Variants in WDFY4 observed in about 807,000 individuals in gnomAD.
WDFY4 encodes WDFY family member 4, also known as WD repeat- and FYVE domain-containing protein 4.
WDFY4 carries 169 observed loss-of-function variants against 351.9 expected under a neutral mutation model. That is an observed-to-expected ratio of 0.48 (90% CI 0.42 to 0.55). The LOEUF is 0.55. Among genes scored for constraint, WDFY4 ranks in the 20% least tolerant of loss-of-function variants. WDFY4 has a pLI of 0.00. For missense variants in WDFY4, 3,803 were observed against 3,935.6 expected, an observed-to-expected ratio of 0.97 and a Z score of 0.90; for synonymous variants, 1,622 against 1,574.6, an observed-to-expected ratio of 1.03 and a Z score of -0.71.
At chr10:48,924,385 C>G (rs1206824490) in intron 47 of WDFY4, among the ~76,000 whole-genome samples, 1 of 152,154 alleles carries the variant, frequency 6.6e-6, no homozygotes, top group Non-Finnish European at 1.5e-5. Flanking sequence ...GCTAGATGGC[C>G]TATTATCAGT....
In WDFY4 at chr10:48,729,609, G is replaced by T. The variant is rs569257966; in HGVS notation, c.1129+20G>T. 4 of 1,551,024 alleles carry T rather than the reference G, an allele frequency of 2.6e-6. No homozygotes were observed. The East Asian group carries it at 9.8e-5, about 38-fold the overall frequency. On this transcript the variant is annotated intron_variant, in intron 8 of 61. Coordinates refer to ENST00000325239, the MANE Select transcript of WDFY4 (RefSeq NM_001394531.1). Reference sequence around the variant, plus strand: ...CATCTGGTGAGTCTTTCCTGTGTCTGGGTGACCGGAAGAGTCAGTGCTGAG... The same window carrying T: ...CATCTGGTGAGTCTTTCCTGTGTCTTGGTGACCGGAAGAGTCAGTGCTGAG...
chr10:48,876,501 A>C (rs933455072), intron 42 of WDFY4, among the ~76,000 whole-genome samples: 34 of 152,366 alleles, frequency 2.2e-4, no homozygotes, highest in African/African-American at 7.7e-4. Context: ...AGTATCTGGC[A>C]CAGAGAAAGG....
intron 31 of WDFY4, 102 bp from the exon 32 acceptor site, chr10:48,817,143 A>C: frequency 7.5e-7 from 1 of 1,333,408 alleles, no homozygotes; most frequent in South Asian, 1.4e-5. Context: ...ATCTTGTTGA[A>C]AGTCTCAGGA....
At position 48,774,664 on chromosome 10, in the gene WDFY4, T is replaced by C. The variant is rs1483175594; in HGVS notation, c.2760T>C (p.Asp920=). ...EKLASQAIEP[D]VLRQFLGLGI... ...TCGCTTCCCAGGCCATTGAACCGGA[T>C]GTGCTAAGGTACCACATGCTGCATA... The change falls in exon 14 of 62, where the codon GAT becomes GAC. Residue 920 remains aspartate (D), a synonymous_variant. Coordinates refer to ENST00000325239, the MANE Select transcript of WDFY4 (RefSeq NM_001394531.1). The C allele has an allele frequency of 6.4e-7, 1 of 1,551,586 alleles. No individual in the cohort carries two copies. Among genetic ancestry groups the C allele is most frequent in the Non-Finnish European group, 8.7e-7 (1 of 1,146,994 alleles).
intron 44 of WDFY4, among the ~76,000 whole-genome samples, chr10:48,895,215 C>T (rs1837015131): frequency 6.6e-6 from 1 of 152,226 alleles, no homozygotes; most frequent in South Asian, 2.1e-4. Flanking sequence ...GCTGGACTGC[C>T]ACTGACCATA....
chr10:48,917,571 G>C (rs1006851697), intron 47 of WDFY4, among the ~76,000 whole-genome samples: 6 of 152,208 alleles, frequency 3.9e-5, no homozygotes, highest in African/African-American at 1.4e-4. Context: ...AACCACAGGG[G>C]CCAGAGGTGC....
rs1564460110 is a variant in WDFY4, at chr10:48,897,589, T to A, written c.7437+15T>A. On this transcript the variant is annotated intron_variant, in intron 45 of 61. Coordinates refer to ENST00000325239, the MANE Select transcript of WDFY4 (RefSeq NM_001394531.1). ...TCCTCCTGCAGGTAAGCACACTGGG[T>A]GCTGGCACGCCTGGGGCCTGCGAGA... 1 of 1,542,414 alleles carries A rather than the reference T, an allele frequency of 6.5e-7. No individual in the cohort carries two copies. The highest frequency in any genetic ancestry group is 8.7e-7 in the Non-Finnish European group (1 of 1,146,092).
chr10:48,905,069 C>T (rs528927274), intron 47 of WDFY4, among the ~76,000 whole-genome samples: 15 of 152,328 alleles, frequency 9.8e-5, no homozygotes, highest in African/African-American at 3.4e-4. Context: ...GCTCCATTGT[C>T]TCTGCAGCTC....
At chr10:48,890,095 G>T (rs2070629917) in intron 43 of WDFY4, among the ~76,000 whole-genome samples, 1 of 152,252 alleles carries the variant, frequency 6.6e-6, no homozygotes, top group African/African-American at 2.4e-5. Context: ...CCTTGGCCTT[G>T]CAGAGATGGC....
intron 39 of WDFY4, among the ~76,000 whole-genome samples, chr10:48,834,871 A>G (rs545975129): frequency 1.3e-5 from 2 of 152,292 alleles, no homozygotes; most frequent in East Asian, 3.9e-4. Context: ...ACATGCATTG[A>G]GCAACAGTTC....
intron 47 of WDFY4, among the ~76,000 whole-genome samples, chr10:48,921,716 C>G (rs574228857): frequency 2.6e-5 from 4 of 151,978 alleles, no homozygotes; most frequent in African/African-American, 9.7e-5. Context: ...ATCTTTTCAA[C>G]TCAACAGTAA....
rs144587440 is a variant in WDFY4 at position 48,896,528 on chromosome 10, A to C, written c.7317-926A>C. Among the ~76,000 whole-genome samples the C allele has an allele frequency of 2.6e-5, 4 of 152,328 alleles. No individual in the cohort carries two copies. The East Asian group carries it at 7.7e-4, about 29-fold the overall frequency. The stretch of plus-strand genomic sequence containing the variant: ...GTGAGAGCCTCACTCACCTCTGAAG[A>C]GACCTCATCCTGAAGGTTGCCAGGG... On this transcript the variant is annotated intron_variant, in intron 44 of 61. Coordinates refer to ENST00000325239, the MANE Select transcript of WDFY4 (RefSeq NM_001394531.1).
chr10:48,743,538 C>T lies in WDFY4; in HGVS notation c.2449C>T (p.Leu817=). 2.0e-6 allele frequency: 3 copies of T among 1,532,750 alleles called. No individual in the cohort carries two copies. Among genetic ancestry groups the T allele is most frequent in the Non-Finnish European group, 2.6e-6 (3 of 1,142,510 alleles). 94.9% of individuals were successfully genotyped at this position (1,532,750 alleles called of 1,614,324 possible). The change falls in exon 12 of 62, where the codon CTG becomes TTG. Residue 817 remains leucine (L), a synonymous_variant. Transcript: ENST00000325239. The stretch of plus-strand genomic sequence containing the variant: ...ACGCAACTTCAAGCAGTGGCCAGAC[C>T]TGGAGGAGAGGTAGCTTCTTCTGCC... ...PQRNFKQWPD[L]EERMDEGDAA...
intron 43 of WDFY4, among the ~76,000 whole-genome samples, chr10:48,879,196 C>A (rs1291999964): frequency 6.6e-6 from 1 of 152,176 alleles, no homozygotes; most frequent in Non-Finnish European, 1.5e-5. Flanking sequence ...CTTAAAGGAG[C>A]AGCCGTTCTC....
intron 43 of WDFY4, among the ~76,000 whole-genome samples, chr10:48,880,721 C>T (rs748480387): frequency 2.6e-5 from 4 of 152,214 alleles, no homozygotes; most frequent in Non-Finnish European, 5.9e-5. Flanking sequence ...TCTAGGCATC[C>T]GTCCTTGCCT....
intron 47 of WDFY4, among the ~76,000 whole-genome samples, chr10:48,937,442 C>T (rs776877001): frequency 1.1e-4 from 16 of 152,156 alleles, no homozygotes; most frequent in Admixed American, 4.6e-4. Flanking sequence ...GTCAGCGTGT[C>T]GGTGTTTATG....
intron 6 of WDFY4, 26 bp downstream of exon 6, chr10:48,726,096 G>A: frequency 6.5e-7 from 1 of 1,526,764 alleles, no homozygotes; most frequent in Admixed American, 2.0e-5. Flanking sequence ...TTAGATGTGG[G>A]CTGTGGGCCA....
chr10:48,720,217 C>A, intron 3 of WDFY4, 92 bp downstream of exon 3: 1 of 1,294,882 alleles, frequency 7.7e-7, no homozygotes, highest in Non-Finnish European at 1.1e-6. Context: ...TCTGCTTTCG[C>A]GTGGAGCTAC....
Position 48,709,851 on chromosome 10 carries a change from C to T in WDFY4, c.119C>T (p.Pro40Leu). The T allele has an allele frequency of 6.4e-7, 1 of 1,551,896 alleles. No individual in the cohort carries two copies. The highest frequency in any genetic ancestry group is 1.4e-5 in the African/African-American group (1 of 73,192). The change falls in exon 2 of 62, where the codon CCC becomes CTC. Residue 40 changes from proline to leucine, a missense_variant. Transcript: ENST00000325239. ...DVPHGGQSSS[P>L]TALWDMLERK... ...CCACATGGAGGGCAGTCCTCCAGCC[C>T]CACAGCTCTCTGGGACATGCTGGAA...
Sources: gnomAD v4.1 joint callset for allele counts (sites outside exome capture counted in the v4.1 genomes callset) on GRCh38, gnomAD v4.1.1 for gene constraint, MANE v1.5 for transcripts, NCBI Gene and HGNC (gene_info 2026-07-23, HGNC 2026-07-21) for gene names.